CNGB3: variants seen among roughly 807,000 people sequenced by gnomAD.
The protein encoded by CNGB3 is cyclic nucleotide-gated channel beta-3.
CNGB3 carries 86 observed loss-of-function variants against 92.8 expected under a neutral mutation model. The ratio of observed to expected loss-of-function variants is 0.93; its 90% CI spans 0.78 to 1.11. The LOEUF is 1.11. CNGB3 is among the 50% of genes least tolerant of loss of function. CNGB3 has a pLI of 0.00. For synonymous variants in CNGB3, 333 were observed against 332.7 expected, an observed-to-expected ratio of 1.00 and a Z score of -0.01; for missense variants, 1,026 against 956.8, an observed-to-expected ratio of 1.07 and a Z score of -0.95.
chr8:86,674,863 C>A (rs567559149), intron 3 of CNGB3, among the ~76,000 whole-genome samples: 1 of 151,648 alleles, frequency 6.6e-6, no homozygotes, highest in East Asian at 1.9e-4. Context: ...AAGCCATCCT[C>A]CCACCTCAGT....
chr8:86,616,985 A>G (rs1822633634), intron 13 of CNGB3, among the ~76,000 whole-genome samples: 1 of 152,210 alleles, frequency 6.6e-6, no homozygotes, highest in Non-Finnish European at 1.5e-5. Flanking sequence ...TGGATGGTAA[A>G]TAAAAATGGG....
At chr8:86,704,499 T>C (rs1440067399) in intron 3 of CNGB3, 1 of 152,212 alleles carries the variant, frequency 6.6e-6, no homozygotes, top group Non-Finnish European at 1.5e-5. Context: ...GATAAAAACA[T>C]GGCTGTAATG....
intron 3 of CNGB3, among the ~76,000 whole-genome samples, chr8:86,712,695 A>G (rs573092320): frequency 6.6e-6 from 1 of 151,722 alleles, no homozygotes; most frequent in South Asian, 2.1e-4. Flanking sequence ...ATAGGTTATA[A>G]TATCTGGTAG....
At chr8:86,635,681 T>C (rs966486108) in intron 10 of CNGB3, among the ~76,000 whole-genome samples, 3 of 151,486 alleles carry the variant, frequency 2.0e-5, no homozygotes, top group Non-Finnish European at 4.4e-5. Flanking sequence ...TTCCTAAGAT[T>C]AGCTTAATTA....
chr8:86,723,658 T>G (rs535402463), intron 3 of CNGB3, among the ~76,000 whole-genome samples: 1 of 152,316 alleles, frequency 6.6e-6, no homozygotes, highest in East Asian at 1.9e-4. Context: ...TAGTCAAAGC[T>G]GATACTGGAG....
chr8:86,693,147 A>G (rs974801283), intron 3 of CNGB3, among the ~76,000 whole-genome samples: 6 of 152,178 alleles, frequency 3.9e-5, no homozygotes, highest in African/African-American at 1.4e-4. Flanking sequence ...CTTTTGCCTC[A>G]TAGCTCTTAA....
intron 13 of CNGB3, among the ~76,000 whole-genome samples, chr8:86,623,265 A>G (rs917868057): frequency 3.3e-5 from 5 of 152,298 alleles, no homozygotes; most frequent in South Asian, 2.1e-4. Context: ...GAAATTTTCA[A>G]CTGGAATCTA....
intron 15 of CNGB3, 96 bp from the exon 16 acceptor site, chr8:86,579,348 G>A: frequency 7.2e-7 from 1 of 1,393,250 alleles, no homozygotes; most frequent in Non-Finnish European, 1.0e-6. Context: ...TATTTATACT[G>A]CTTCAGAAAT....
intron 15 of CNGB3, among the ~76,000 whole-genome samples, chr8:86,580,766 C>T (rs1821747914): frequency 6.6e-6 from 1 of 152,112 alleles, no homozygotes; most frequent in Admixed American, 6.6e-5. Context: ...CAAGAAAAAC[C>T]ACATTTCAAA....
intron 12 of CNGB3, among the ~76,000 whole-genome samples, chr8:86,626,486 T>C (rs947116570): frequency 6.6e-6 from 1 of 152,164 alleles, no homozygotes; most frequent in African/African-American, 2.4e-5. Flanking sequence ...ATGAGCACCA[T>C]GTGGCACTGG....
In CNGB3 at chr8:86,606,516, G is replaced by T. The variant is rs181460766; in HGVS notation, c.1663-2305C>A. Reference sequence around the variant, plus strand: ...TAAAAGTAGAAATTCCAATATAGATGGATCTTATATTTATTTACATACTAT... The same window carrying T: ...TAAAAGTAGAAATTCCAATATAGATTGATCTTATATTTATTTACATACTAT... On this transcript the variant is annotated intron_variant, in intron 14 of 17. Transcript: ENST00000320005. Among the ~76,000 whole-genome samples the T allele has an allele frequency of 2.1e-3, 326 of 152,006 alleles. 5 individuals carry two copies. The highest frequency in any genetic ancestry group is 6.8e-3 in the African/African-American group (281 of 41,454).
intron 7 of CNGB3, among the ~76,000 whole-genome samples, chr8:86,650,584 T>C (rs1823382987): frequency 6.6e-6 from 1 of 151,584 alleles, no homozygotes; most frequent in Non-Finnish European, 1.5e-5. Flanking sequence ...TGTCTAGTCA[T>C]TAAGGAAATG....
chr8:86,685,109 A>C (rs964521946), intron 3 of CNGB3, among the ~76,000 whole-genome samples: 3 of 152,134 alleles, frequency 2.0e-5, no homozygotes, highest in South Asian at 2.1e-4. Context: ...GCAAGATGTT[A>C]CAATTGGGGA....
At chr8:86,643,937 AT>A in intron 9 of CNGB3, 64 bp from the exon 10 acceptor site, 1 of 1,571,216 alleles carries the variant, frequency 6.4e-7, no homozygotes, top group South Asian at 1.1e-5. Context: ...CTATTTTAAC[AT>A]TTTCTTTTCC....
intron 3 of CNGB3, among the ~76,000 whole-genome samples, chr8:86,700,725 A>G (rs1249201320): frequency 6.6e-6 from 1 of 152,090 alleles, no homozygotes; most frequent in Non-Finnish European, 1.5e-5. Flanking sequence ...TGCAACCTCC[A>G]TCTCCCGGGT....
intron 8 of CNGB3, among the ~76,000 whole-genome samples, chr8:86,644,919 T>A (rs1420147589): frequency 2.6e-5 from 4 of 151,180 alleles, no homozygotes; most frequent in Non-Finnish European, 4.5e-5. Flanking sequence ...GTAGTTATAG[T>A]CTTATTTTTA....
intron 3 of CNGB3, among the ~76,000 whole-genome samples, chr8:86,725,161 AAAAT>A (rs1309073489): frequency 6.6e-6 from 1 of 152,182 alleles, no homozygotes; most frequent in Admixed American, 6.6e-5. Flanking sequence ...GTTATTGTAA[AAAAT>A]AAACATATTA....
At chr8:86,630,490 C>T (rs1371074484) in intron 11 of CNGB3, among the ~76,000 whole-genome samples, 1 of 152,004 alleles carries the variant, frequency 6.6e-6, no homozygotes, top group Non-Finnish European at 1.5e-5. Flanking sequence ...GGATTGCAGG[C>T]TAGGGAAGTA....
At chr8:86,737,361 C>T (rs889122691) in intron 2 of CNGB3, among the ~76,000 whole-genome samples, 4 of 152,056 alleles carry the variant, frequency 2.6e-5, no homozygotes, top group Admixed American at 6.5e-5. Flanking sequence ...ACATATTTCC[C>T]TCCAGTTATT....
Sources: gnomAD v4.1 joint callset for allele counts (sites outside exome capture counted in the v4.1 genomes callset) on GRCh38, gnomAD v4.1.1 for gene constraint, MANE v1.5 for transcripts, NCBI Gene and HGNC (gene_info 2026-07-23, HGNC 2026-07-21) for gene names.